Variants in PTGES2 observed in about 807,000 individuals in gnomAD.
The protein encoded by PTGES2 is GATE-binding factor 1.
A neutral mutation model predicts 44.5 loss-of-function variants in PTGES2; 35 were observed. The ratio of observed to expected loss-of-function variants is 0.79; its 90% CI spans 0.60 to 1.04. PTGES2 has a LOEUF of 1.04. PTGES2 is among the 50% of genes least tolerant of loss of function. PTGES2 has a pLI of 0.00. For synonymous variants in PTGES2, 221 were observed against 227.5 expected (o/e 0.97, Z 0.26); for missense variants, 517 against 521.4 (o/e 0.99, Z 0.08).
In PTGES2 at chr9:128,121,025, C is replaced by G. The variant is rs762416785; in HGVS notation, c.*120G>C. The G allele has an allele frequency of 1.1e-5, 14 of 1,292,892 alleles. No homozygotes were observed. In the East Asian group the frequency reaches 3.6e-4, roughly 33 times the overall value. 80.1% of individuals were successfully genotyped at this position (1,292,892 alleles called of 1,614,324 possible). On this transcript the variant is annotated 3_prime_UTR_variant, in exon 7 of 7. Coordinates refer to ENST00000338961, the MANE Select transcript of PTGES2 (RefSeq NM_025072.7). Reference sequence around the variant, plus strand: ...AGAAGCGAGAGGGCTGGTGGGGGTGCGTGGACAAGGGGCAGAATGATCCTG... The same window carrying G: ...AGAAGCGAGAGGGCTGGTGGGGGTGGGTGGACAAGGGGCAGAATGATCCTG...
In PTGES2 at chr9:128,127,642, G is replaced by T. The variant is rs1022322046; in HGVS notation, c.76C>A (p.Pro26Thr). The change falls in exon 1 of 7, where the codon CCC becomes ACC. Residue 26 changes from proline (P) to threonine (T), a missense_variant. Coordinates refer to ENST00000338961, the MANE Select transcript of PTGES2 (RefSeq NM_025072.7). ...CTCTGCGTGGGTAGCAGCGGCTGGG[G>T]GCGGCCTCCCAGCCTCCAGGCCAAG... is the stretch of plus-strand genomic sequence containing the variant. ...CALAWRLGGR[P>T]QPLLPTQSRA... 4.7e-6 allele frequency: 6 copies of T among 1,270,502 alleles called. No individual in the cohort carries two copies. The African/African-American group carries it at 6.2e-5, about 13-fold the overall frequency. The allele number at this position is 1,270,502 out of a possible 1,614,324, so 78.7% of individuals were successfully genotyped here. A position where few individuals can be genotyped will look rare whatever the true frequency, so the allele number is the denominator to read the frequency against.
chr9:128,128,196 C>T (rs1391478469), upstream of PTGES2: 13 of 390,006 alleles, frequency 3.3e-5, no homozygotes, highest in East Asian at 4.5e-4. Flanking sequence ...TCTGCCCTCC[C>T]GCCTCATTGT....
Position 128,127,615 on chromosome 9 carries a change from G to T in PTGES2, c.103C>A (p.Arg35=). The change falls in exon 1 of 7, where the codon CGG becomes AGG. Residue 35 remains arginine (R), a synonymous_variant. Coordinates refer to ENST00000338961, the MANE Select transcript of PTGES2 (RefSeq NM_025072.7). The part of the protein sequence containing the change: ...RPQPLLPTQS[R]AGFAGAAGGP... ...CCCGCCGCCCCCGCGAAGCCAGCCCGGCTCTGCGTGGGTAGCAGCGGCTGG... is the reference window on the plus strand; with the variant it reads ...CCCGCCGCCCCCGCGAAGCCAGCCCTGCTCTGCGTGGGTAGCAGCGGCTGG... 1 of 1,267,564 alleles carries T rather than the reference G, an allele frequency of 7.9e-7. No homozygotes were observed. Among genetic ancestry groups the T allele is most frequent in the Non-Finnish European group, 9.9e-7 (1 of 1,007,652 alleles). The allele number at this position is 1,267,564 out of a possible 1,614,324, so 78.5% of individuals were successfully genotyped here.
chr9:128,127,191 CAAAAAAA>C (rs59234287), intron 1 of PTGES2, among the ~76,000 whole-genome samples: 6 of 24,502 alleles, frequency 2.4e-4, no homozygotes, highest in Non-Finnish European at 2.5e-4. Flanking sequence ...ATAAACAAAC[CAAAAAAA>C]AAAAAAAAAA....
rs1024444155 is a variant in PTGES2, at chr9:128,126,341, CCACCACTTAGGGGGT to C, written c.280-915_280-901del. ...TATAAAGTGTCTCAAGGCAGCTGGG[CCACCACTTAGGGGGT>C]CACCACTTGGGGGGGGCACCTTTCT... On this transcript the variant is annotated intron_variant, in intron 1 of 6. Coordinates refer to ENST00000338961, the MANE Select transcript of PTGES2 (RefSeq NM_025072.7). Among the ~76,000 whole-genome samples the C allele has an allele frequency of 4.6e-5, 7 of 152,166 alleles. No individual in the cohort carries two copies. The East Asian group carries it at 9.6e-4, about 21-fold the overall frequency.
rs771239792 is a variant in PTGES2 at position 128,125,257 on chromosome 9, T to A, written c.464A>T (p.Glu155Val). The A allele has an allele frequency of 1.0e-5, 16 of 1,590,520 alleles. No individual in the cohort carries two copies. The highest frequency in any genetic ancestry group is 1.4e-5 in the Non-Finnish European group (16 of 1,168,488). ...YRKVPILVAQ[E>V]GESSQQLNDS... Reference sequence around the variant, plus strand: ...CCTGGGGCTCACCGAGCTTTCTCCTTCCTGGGCCACCAGGATGGGCACCTT... The same window carrying A: ...CCTGGGGCTCACCGAGCTTTCTCCTACCTGGGCCACCAGGATGGGCACCTT... Residue 155 changes from glutamate to valine, a missense_variant, in exon 2 of 7, where the codon GAA (glutamate) becomes GTA (valine). Coordinates refer to ENST00000338961, the MANE Select transcript of PTGES2 (RefSeq NM_025072.7).
Position 128,121,205 on chromosome 9 carries a change from G to A in PTGES2, c.1074C>T (p.His358=), listed in dbSNP as rs1298157958. ...CCACCCGCAGGTACCAGGGCTGGAT[G>A]TGCGTGTGCTGCATCAGGTCATCGA... is the stretch of plus-strand genomic sequence containing the variant. ...DAFDDLMQHT[H]IQPWYLRVER... The change falls in exon 7 of 7, where the codon CAC becomes CAT. Residue 358 remains histidine (H), a synonymous_variant. Transcript: ENST00000338961. 3.1e-6 allele frequency: 5 copies of A among 1,596,032 alleles called. No individual in the cohort carries two copies. The highest frequency in any genetic ancestry group is 4.6e-5 in the East Asian group (2 of 43,772).
intron 6 of PTGES2, 145 bp from the exon 7 acceptor site, chr9:128,121,418 G>A: frequency 1.9e-6 from 2 of 1,039,262 alleles, no homozygotes; most frequent in East Asian, 2.7e-5. Context: ...CACAGGTGAG[G>A]GTTTGAACAA....
At chr9:128,128,423 C>G (rs983524580), upstream of PTGES2, 3 of 449,936 alleles carry the variant, frequency 6.7e-6, no homozygotes, top group Non-Finnish European at 1.3e-5. Flanking sequence ...TAGGCGTCTC[C>G]GCGGACAGCC....
intron 1 of PTGES2, 136 bp from the exon 2 acceptor site, chr9:128,125,577 C>T (rs884115): frequency 0.17 from 136,382 of 805,602 alleles, 17,448 homozygotes; most frequent in African/African-American, 0.55. Context: ...TGGAAGGGGG[C>T]GGTAGGGGAA....
At position 128,124,559 on chromosome 9, in the gene PTGES2, G is replaced by A. The variant is rs370570002; in HGVS notation, c.478-9C>T. 1 of 1,612,972 alleles carries A rather than the reference G, an allele frequency of 6.2e-7. No homozygotes were observed. The highest frequency in any genetic ancestry group is 1.1e-5 in the South Asian group (1 of 91,054). On this transcript the variant is annotated splice_polypyrimidine_tract_variant and intron_variant, in intron 2 of 6. Transcript: ENST00000338961. ...GAGTCATTTAGTTGTTGCTGGAAGAGAAAAGGGTGGTTTAATCAGAGGTTG... is the reference window on the plus strand; with the variant it reads ...GAGTCATTTAGTTGTTGCTGGAAGAAAAAAGGGTGGTTTAATCAGAGGTTG...
chr9:128,127,134 G>A (rs1250723780), intron 1 of PTGES2, among the ~76,000 whole-genome samples: 1 of 123,926 alleles, frequency 8.1e-6, no homozygotes, highest in African/African-American at 3.1e-5. Flanking sequence ...AGCCGCGATC[G>A]CACTCCAGCC....
rs1196757554 is a variant in PTGES2, at chr9:128,127,704, G to A, written c.14C>T (p.Ala5Val). MDPA[A>V]RVVRALWPGG... is the part of the protein sequence containing the mutation. ...AGGCCACAGCGCCCGCACCACCCGC[G>A]CAGCCGGGTCCATGTTCGCTCCGCC... The change falls in exon 1 of 7, where the codon GCG becomes GTG. Residue 5 changes from alanine (A) to valine (V), a missense_variant. Physicochemically the swap from Ala to Val is moderately conservative, Grantham distance 64 (BLOSUM62 0). Transcript: ENST00000338961. 8 of 1,281,726 alleles carry A rather than the reference G, an allele frequency of 6.2e-6. No individual in the cohort carries two copies. The South Asian group carries it at 1.3e-4, about 21-fold the overall frequency. 79.4% of individuals were successfully genotyped at this position (1,281,726 alleles called of 1,614,324 possible).
At chr9:128,128,180 GT>G, upstream of PTGES2, 1 of 206,396 alleles carries the variant, frequency 4.8e-6, no homozygotes, top group Non-Finnish European at 9.7e-6. Flanking sequence ...AGGTGTTGCG[GT>G]TCTCTCTGCC....
Position 128,127,422 on chromosome 9 carries a change from G to T in PTGES2, c.279+17C>A. The stretch of plus-strand genomic sequence containing the variant: ...GCGCTGATCAGCATCCCCATCCCCG[G>T]CCGGGCCAGGCCTTACCTGCGCGGC... On this transcript the variant is annotated intron_variant, in intron 1 of 6. Transcript: ENST00000338961. 1 of 1,341,900 alleles carries T rather than the reference G, an allele frequency of 7.5e-7. No individual in the cohort carries two copies. The highest frequency in any genetic ancestry group is 2.8e-5 in the East Asian group (1 of 35,396). The allele number at this position is 1,341,900 out of a possible 1,614,324, so 83.1% of individuals were successfully genotyped here. A position where few individuals can be genotyped will look rare whatever the true frequency, so the allele number is the denominator to read the frequency against.
intron 3 of PTGES2, chr9:128,124,182 C>A (rs1005557766): frequency 2.9e-6 from 1 of 350,078 alleles, no homozygotes; most frequent in African/African-American, 2.1e-5. Context: ...CTCCCGGGTT[C>A]AAGCGATTCT....
In PTGES2 at chr9:128,121,202, G is replaced by A; in HGVS notation, c.1077C>T (p.Ile359=). ...AFDDLMQHTH[I]QPWYLRVERA... ...TCTCCACCCGCAGGTACCAGGGCTG[G>A]ATGTGCGTGTGCTGCATCAGGTCAT... The change falls in exon 7 of 7, where the codon ATC becomes ATT. Residue 359 remains isoleucine, a synonymous_variant. Coordinates refer to ENST00000338961, the MANE Select transcript of PTGES2 (RefSeq NM_025072.7). 6.3e-7 allele frequency: 1 copy of A among 1,595,860 alleles called. No individual in the cohort carries two copies. Among genetic ancestry groups the A allele is most frequent in the South Asian group, 1.1e-5 (1 of 88,058 alleles).
intron 6 of PTGES2, among the ~76,000 whole-genome samples, chr9:128,121,689 G>C (rs1834416273): frequency 1.3e-5 from 2 of 152,142 alleles, no homozygotes; most frequent in South Asian, 4.1e-4. Flanking sequence ...AAAGTGGATG[G>C]ATCACCTGCG....
chr9:128,127,453 G>T lies in PTGES2; in HGVS notation c.265C>A (p.Arg89Ser). ...CCAGGCCTTACCTGCGCGGCTGAGC[G>T]CTCTGCGTGGAGGTCCTGGGCGCGC... is the stretch of plus-strand genomic sequence containing the variant. ...HLRAQDLHAERSAAQLSLSSR... is the reference protein window; with the variant it reads ...HLRAQDLHAESSAAQLSLSSR... The change falls in exon 1 of 7, where the codon CGC becomes AGC. Residue 89 changes from arginine (R) to serine (S), a missense_variant. Arg to Ser is a moderately radical substitution (Grantham distance 110). Transcript: ENST00000338961. 1 of 1,388,094 alleles carries T rather than the reference G, an allele frequency of 7.2e-7. No homozygotes were observed. The highest frequency in any genetic ancestry group is 9.4e-7 in the Non-Finnish European group (1 of 1,066,132). 86.0% of individuals were successfully genotyped at this position (1,388,094 alleles called of 1,614,324 possible). A position where few individuals can be genotyped will look rare whatever the true frequency, so the allele number is the denominator to read the frequency against.
Sources: allele counts gnomAD v4.1 joint callset (sites outside exome capture counted in the v4.1 genomes callset), GRCh38; gene constraint gnomAD v4.1.1; transcripts MANE v1.5; gene names NCBI Gene and HGNC (gene_info 2026-07-23, HGNC 2026-07-21).